The following DTX1 variants were observed in gnomAD, a reference collection of about 807,000 sequenced individuals.
DTX1 encodes deltex E3 ubiquitin ligase 1, also known as E3 ubiquitin-protein ligase DTX1.
Under a neutral mutation model 57.8 loss-of-function variants are expected in DTX1, and 26 were observed. The ratio of observed to expected loss-of-function variants is 0.45; its 90% CI spans 0.33 to 0.62. The LOEUF is 0.62. DTX1 is among the 20% of genes least tolerant of loss of function. The pLI, the probability that DTX1 is intolerant of heterozygous loss-of-function variation, is 0.02. For synonymous variants in DTX1, 398 were observed against 394.1 expected (o/e 1.01, Z -0.12); for missense variants, 704 against 895.3 (o/e 0.79, Z 2.73).
At chr12:113,083,180 C>T (rs966436911) in intron 3 of DTX1, among the ~76,000 whole-genome samples, 7 of 152,212 alleles carry the variant, frequency 4.6e-5, no homozygotes, top group African/African-American at 1.7e-4. Context: ...CTAGTGACCT[C>T]ATTTTATCTT....
At chr12:113,074,686 A>C (rs1183385855) in intron 2 of DTX1, among the ~76,000 whole-genome samples, 1 of 152,240 alleles carries the variant, frequency 6.6e-6, no homozygotes, top group African/African-American at 2.4e-5. Flanking sequence ...AATGGATTAC[A>C]GAGGCCAGTC....
At chr12:113,095,257 T>A in intron 8 of DTX1, 54 bp downstream of exon 8, 1 of 1,605,936 alleles carries the variant, frequency 6.2e-7, no homozygotes, top group South Asian at 1.1e-5. Flanking sequence ...CTCCAACTCC[T>A]CCAGATGCTT....
At chr12:113,075,548 C>A (rs554110807) in intron 2 of DTX1, among the ~76,000 whole-genome samples, 5 of 152,334 alleles carry the variant, frequency 3.3e-5, no homozygotes, top group African/African-American at 9.6e-5. Context: ...TCTGAGAAGT[C>A]CTGCGGCCTG....
In DTX1 at chr12:113,093,234, G is replaced by A. The variant is rs199645925; in HGVS notation, c.1003+11G>A. On this transcript the variant is annotated intron_variant, in intron 4 of 9. Transcript: ENST00000548759. This position sits in a 1 kb window ranked among gnomAD's most constrained non-coding sequence, Gnocchi z 4.2. The stretch of plus-strand genomic sequence containing the variant: ...ATCCGGCCCTGGCAGGTGAGGTCTG[G>A]CCCAGGGCGGGAAAGAAGGGCGGGG... 5.7e-4 allele frequency: 901 copies of A among 1,588,490 alleles called. 6 individuals carry two copies. The African/African-American group carries it at 0.011, about 19-fold the overall frequency.
chr12:113,078,433 C>G (rs1318178723), intron 3 of DTX1, among the ~76,000 whole-genome samples: 4 of 152,162 alleles, frequency 2.6e-5, no homozygotes, highest in African/African-American at 9.7e-5. Flanking sequence ...GGTGCGTGTT[C>G]CATGTTTATT....
chr12:113,090,449 C>T (rs1342528728), intron 3 of DTX1, among the ~76,000 whole-genome samples: 1 of 152,212 alleles, frequency 6.6e-6, no homozygotes, highest in Non-Finnish European at 1.5e-5. Context: ...CACCTCCACT[C>T]TCATCCCTGC....
At position 113,076,883 on chromosome 12, in the gene DTX1, C is replaced by T. The variant is rs185928605; in HGVS notation, c.260-541C>T. On this transcript the variant is annotated intron_variant, in intron 2 of 9. Transcript: ENST00000548759. ...GACTGCATGGGGCCTATGTGCATGGCCTTGGTCTCTGTCTATGCCTGCCCC... is the reference window on the plus strand; with the variant it reads ...GACTGCATGGGGCCTATGTGCATGGTCTTGGTCTCTGTCTATGCCTGCCCC... Among the ~76,000 whole-genome samples the T allele has an allele frequency of 7.1e-3, 1,087 of 152,220 alleles. 26 individuals carry two copies. Among genetic ancestry groups the T allele is most frequent in the Non-Finnish European group, 3.6e-3 (242 of 68,000 alleles).
Position 113,058,034 on chromosome 12 carries a change from C to A in DTX1, c.-159C>A. On this transcript the variant is annotated 5_prime_UTR_variant, in exon 2 of 10. Transcript: ENST00000548759. ...GGATGGCCATCCCACATTCCTTTAA[C>A]GGAGGTCTCTAGGCCTCAGAGAGAA... The A allele has an allele frequency of 8.2e-7, 1 of 1,216,980 alleles. No homozygotes were observed. Among genetic ancestry groups the A allele is most frequent in the Non-Finnish European group, 1.1e-6 (1 of 901,870 alleles). The allele number at this position is 1,216,980 out of a possible 1,614,324, so 75.4% of individuals were successfully genotyped here.
At chr12:113,070,597 G>A (rs1314576265) in intron 2 of DTX1, among the ~76,000 whole-genome samples, 4 of 152,188 alleles carry the variant, frequency 2.6e-5, no homozygotes, top group Non-Finnish European at 5.9e-5. Context: ...AGGCCAAGAG[G>A]TGGGGGCTGA....
intron 2 of DTX1, among the ~76,000 whole-genome samples, chr12:113,070,624 C>T (rs760358106): frequency 6.6e-6 from 1 of 152,208 alleles, no homozygotes; most frequent in Non-Finnish European, 1.5e-5. Context: ...CACATACCCA[C>T]CTCTAGGCAG....
Position 113,077,325 on chromosome 12 carries a change from C to A in DTX1, c.260-99C>A. ...ACCCCCTGGAGGCCTGTGCTGACCC[C>A]CCAACCTCCCGCCCACCCTTGCCTG... On this transcript the variant is annotated intron_variant, in intron 2 of 9. Coordinates refer to ENST00000548759, the MANE Select transcript of DTX1 (RefSeq NM_004416.3). The surrounding 1 kb of genome is among the most constrained non-coding windows in gnomAD (Gnocchi z 7.8). 7.2e-7 allele frequency: 1 copy of A among 1,383,214 alleles called. No homozygotes were observed. The highest frequency in any genetic ancestry group is 9.6e-7 in the Non-Finnish European group (1 of 1,040,012). 85.7% of individuals were successfully genotyped at this position (1,383,214 alleles called of 1,614,324 possible).
At chr12:113,060,326 C>T (rs2044656669) in intron 2 of DTX1, among the ~76,000 whole-genome samples, 1 of 152,176 alleles carries the variant, frequency 6.6e-6, no homozygotes, top group South Asian at 2.1e-4. Context: ...AGGACCTACA[C>T]TGAAGGTCCT....
At chr12:113,086,695 A>AT (rs1260826052) in intron 3 of DTX1, among the ~76,000 whole-genome samples, 1 of 149,250 alleles carries the variant, frequency 6.7e-6, no homozygotes, top group Non-Finnish European at 1.5e-5. Context: ...TTATGCTTTT[A>AT]TTTTTAAAAA....
At chr12:113,072,031 G>T (rs563502822) in intron 2 of DTX1, among the ~76,000 whole-genome samples, 9 of 152,344 alleles carry the variant, frequency 5.9e-5, no homozygotes, top group Non-Finnish European at 1.2e-4. Flanking sequence ...GGCCAACGCT[G>T]ATGTTGAGAA....
intron 3 of DTX1, among the ~76,000 whole-genome samples, chr12:113,091,178 A>G (rs868743144): frequency 6.6e-6 from 1 of 152,094 alleles, no homozygotes; most frequent in Non-Finnish European, 1.5e-5. Context: ...CCAATGGAGT[A>G]TCCTCCCAGG....
intron 3 of DTX1, 42 bp downstream of exon 3, chr12:113,078,147 C>T: frequency 2.3e-6 from 3 of 1,306,510 alleles, no homozygotes; most frequent in South Asian, 1.8e-5. Context: ...GCGTCGTCCG[C>T]AGGCAAGGAC....
intron 3 of DTX1, among the ~76,000 whole-genome samples, chr12:113,078,953 G>A (rs2044795757): frequency 6.6e-6 from 1 of 152,150 alleles, no homozygotes; most frequent in African/African-American, 2.4e-5. Flanking sequence ...CTCTGCTCTT[G>A]TTTTAACCAG....
chr12:113,097,017 GC>G lies in DTX1; in HGVS notation c.*81del. 1.4e-6 allele frequency: 2 copies of G among 1,462,616 alleles called. No individual in the cohort carries two copies. Among genetic ancestry groups the G allele is most frequent in the Non-Finnish European group, 1.8e-6 (2 of 1,094,770 alleles). The allele number at this position is 1,462,616 out of a possible 1,614,324, so 90.6% of individuals were successfully genotyped here. On this transcript the variant is annotated 3_prime_UTR_variant, in exon 10 of 10. Coordinates refer to ENST00000548759, the MANE Select transcript of DTX1 (RefSeq NM_004416.3). ...CTCCTTCGCCAGGTGTGTCCTGGTA[GC>G]CCAGGTTCAGGGCTGGGGAGGAGCC...
In DTX1 at chr12:113,096,777, C is replaced by T. The variant is rs1284482925; in HGVS notation, c.1701C>T (p.Asn567=). The change falls in exon 10 of 10, where the codon AAC becomes AAT. Residue 567 remains asparagine, a synonymous_variant. Transcript: ENST00000548759. ...TCATCTTCACTATCGGCACGTCCAA[C>T]ACCACGGGCGAGTCGGACACCGTGG... The part of the protein sequence containing the change: ...RRLIFTIGTS[N]TTGESDTVVW... 6.2e-7 allele frequency: 1 copy of T among 1,613,872 alleles called. No individual in the cohort carries two copies. Among genetic ancestry groups the T allele is most frequent in the Admixed American group, 1.7e-5 (1 of 60,020 alleles).
Sources: allele counts gnomAD v4.1 joint callset (sites outside exome capture counted in the v4.1 genomes callset), GRCh38; gene constraint gnomAD v4.1.1; non-coding constraint Gnocchi (gnomAD v3.1); transcripts MANE v1.5; gene names NCBI Gene and HGNC (gene_info 2026-07-23, HGNC 2026-07-21).